MGAT4C: variants seen among roughly 807,000 people sequenced by gnomAD.
MGAT4C encodes alpha-1,3-mannosyl-glycoprotein 4-beta-N-acetylglucosaminyltransferase C.
A neutral mutation model predicts 40.1 loss-of-function variants in MGAT4C; 19 were observed. That is an observed-to-expected ratio of 0.47 (90% confidence interval 0.33 to 0.70). The LOEUF is 0.70. Among genes scored for constraint, MGAT4C ranks in the 30% least tolerant of loss-of-function variants. The pLI is 0.02. For missense variants in MGAT4C, 491 were observed against 563.2 expected, an observed-to-expected ratio of 0.87 and a Z score of 1.30; for synonymous variants, 181 against 187.1, an observed-to-expected ratio of 0.97 and a Z score of 0.27.
At chr12:86,745,286 A>G (rs926014953) in intron 1 of MGAT4C, 2 of 151,702 alleles carry the variant, frequency 1.3e-5, no homozygotes, top group African/African-American at 4.8e-5. Flanking sequence ...ATATATATTT[A>G]GATTCAAAAT....
In MGAT4C at chr12:86,174,102, C is replaced by T. The variant is rs113207858; in HGVS notation, c.-57+82137G>A. 1.4e-3 allele frequency among the ~76,000 whole-genome samples: 195 copies of T among 135,164 alleles called. 1 individual carries two copies. Among genetic ancestry groups the T allele is most frequent in the African/African-American group, 5.3e-3 (189 of 35,592 alleles). 88.7% of individuals were successfully genotyped at this position (135,164 alleles called of 152,430 possible). ...TGAAATTAAAAGTAGGTTATTCTTA[C>T]CAAAAAAGACACACACACACATACA... On this transcript the variant is annotated intron_variant, in intron 1 of 4. Coordinates refer to ENST00000611864, the MANE Select transcript of MGAT4C (RefSeq NM_001351288.2).
At chr12:86,477,096 A>G (rs1957848081) in intron 2 of MGAT4C, among the ~76,000 whole-genome samples, 1 of 151,802 alleles carries the variant, frequency 6.6e-6, no homozygotes, top group Non-Finnish European at 1.5e-5. Flanking sequence ...ATAAATATAT[A>G]TATATTTGTA....
Position 85,971,208 on chromosome 12 carries a change from G to T in MGAT4C, c.*8081C>A, listed in dbSNP as rs953874634. 1 of 151,000 alleles carries T rather than the reference G, an allele frequency of 6.6e-6. No individual in the cohort carries two copies. Among genetic ancestry groups the T allele is most frequent in the Non-Finnish European group, 1.5e-5 (1 of 67,312 alleles). The allele number at this position is 151,000 out of a possible 1,614,324, so 9.4% of individuals were successfully genotyped here. A position where few individuals can be genotyped will look rare whatever the true frequency, so the allele number is the denominator to read the frequency against. ...CAAATTTCACTTTCTTCTTATAAAA[G>T]AAAATAATTTTTATGGTAACTAATT... On this transcript the variant is annotated 3_prime_UTR_variant, in exon 5 of 5. Coordinates refer to ENST00000611864, the MANE Select transcript of MGAT4C (RefSeq NM_001351288.2).
At chr12:86,236,567 AAGTGC>A (rs1951556123) in intron 1 of MGAT4C, among the ~76,000 whole-genome samples, 1 of 152,022 alleles carries the variant, frequency 6.6e-6, no homozygotes, top group African/African-American at 2.4e-5. Context: ...ATACAAAACC[AAGTGC>A]CAAAAAGTTG....
intron 1 of MGAT4C, among the ~76,000 whole-genome samples, chr12:86,127,261 A>T (rs1298919322): frequency 6.6e-6 from 1 of 152,220 alleles, no homozygotes; most frequent in East Asian, 1.9e-4. Flanking sequence ...TAAATAGTGT[A>T]GACAGTTTTA....
chr12:86,177,766 C>T (rs1887627739), intron 1 of MGAT4C, among the ~76,000 whole-genome samples: 1 of 151,988 alleles, frequency 6.6e-6, no homozygotes, highest in Non-Finnish European at 1.5e-5. Flanking sequence ...TCCCTTTCTA[C>T]TAATCATTTC....
At chr12:86,000,820 A>G (rs1249195504) in intron 2 of MGAT4C, among the ~76,000 whole-genome samples, 1 of 152,140 alleles carries the variant, frequency 6.6e-6, no homozygotes, top group East Asian at 1.9e-4. Context: ...TAATTTTTCC[A>G]ATTTTGAAAG....
rs1275637736 is a variant in MGAT4C at position 85,967,890 on chromosome 12, C to A, written c.*11399G>T. 6.6e-6 allele frequency: 1 copy of A among 152,008 alleles called. No homozygotes were observed. The highest frequency in any genetic ancestry group is 1.5e-5 in the Non-Finnish European group (1 of 67,936). The allele number at this position is 152,008 out of a possible 1,614,324, so 9.4% of individuals were successfully genotyped here. A position where few individuals can be genotyped will look rare whatever the true frequency, so the allele number is the denominator to read the frequency against. ...TGTTTTTCTTGACTCAAATAGCTAT[C>A]TCAAGTTTCGTACACTTTTTAGATC... is the stretch of plus-strand genomic sequence containing the variant. On this transcript the variant is annotated 3_prime_UTR_variant, in exon 5 of 5. Coordinates refer to ENST00000611864, the MANE Select transcript of MGAT4C (RefSeq NM_001351288.2).
chr12:86,497,927 C>T (rs1157392732), intron 2 of MGAT4C, among the ~76,000 whole-genome samples: 3 of 142,774 alleles, frequency 2.1e-5, no homozygotes, highest in East Asian at 2.0e-4. Context: ...CGCACACACA[C>T]ATATAATATT....
At chr12:86,458,011 A>G (rs1957538155) in intron 2 of MGAT4C, among the ~76,000 whole-genome samples, 1 of 152,218 alleles carries the variant, frequency 6.6e-6, no homozygotes, top group African/African-American at 2.4e-5. Flanking sequence ...TCATAAATTA[A>G]AACTTTTTTG....
chr12:86,273,533 T>C (rs181030290), intron 4 of MGAT4C, among the ~76,000 whole-genome samples: 2 of 152,182 alleles, frequency 1.3e-5, no homozygotes, highest in Admixed American at 6.5e-5. Flanking sequence ...TAAATCTGCA[T>C]GCAACATACA....
intron 1 of MGAT4C, among the ~76,000 whole-genome samples, chr12:86,206,580 A>G (rs1337338758): frequency 6.6e-6 from 1 of 151,674 alleles, no homozygotes; most frequent in Admixed American, 6.6e-5. Context: ...TGTCACTCTT[A>G]TTTCTTTCAA....
intron 2 of MGAT4C, among the ~76,000 whole-genome samples, chr12:86,623,978 G>A (rs973434418): frequency 5.3e-5 from 8 of 152,080 alleles, no homozygotes; most frequent in African/African-American, 1.7e-4. Context: ...TAAAATTCTT[G>A]TCACCAGAGA....
intron 1 of MGAT4C, among the ~76,000 whole-genome samples, chr12:86,740,925 T>C (rs2136129996): frequency 6.6e-6 from 1 of 151,150 alleles, no homozygotes; most frequent in Non-Finnish European, 1.5e-5. Flanking sequence ...GATATTGAGG[T>C]TTGGAATACA....
chr12:86,440,211 T>C (rs1391190387), intron 2 of MGAT4C, among the ~76,000 whole-genome samples: 2 of 152,018 alleles, frequency 1.3e-5, no homozygotes, highest in East Asian at 1.9e-4. Flanking sequence ...CTGATGAACA[T>C]AGATGCAAAA....
chr12:86,080,304 G>A (rs1273104678), intron 1 of MGAT4C, among the ~76,000 whole-genome samples: 1 of 151,816 alleles, frequency 6.6e-6, no homozygotes, highest in Non-Finnish European at 1.5e-5. Flanking sequence ...CACTATTCTG[G>A]GTAATTTATT....
Position 85,956,179 on chromosome 12 carries a change from G to T in MGAT4C, c.*23110C>A, listed in dbSNP as rs1175169187. The T allele has an allele frequency of 6.6e-6, 1 of 152,216 alleles. No individual in the cohort carries two copies. The highest frequency in any genetic ancestry group is 1.5e-5 in the Non-Finnish European group (1 of 68,024). The allele number at this position is 152,216 out of a possible 1,614,324, so 9.4% of individuals were successfully genotyped here. On this transcript the variant is annotated 3_prime_UTR_variant, in exon 5 of 5. Coordinates refer to ENST00000611864, the MANE Select transcript of MGAT4C (RefSeq NM_001351288.2). ...ATTTGGACATAACCTTCAACATTGT[G>T]TGGAACACAGTGAGAAGTATAATGA...
At chr12:86,665,348 A>G (rs1964077028) in intron 2 of MGAT4C, among the ~76,000 whole-genome samples, 1 of 151,990 alleles carries the variant, frequency 6.6e-6, no homozygotes, top group South Asian at 2.1e-4. Context: ...CATTATAGAC[A>G]CATGATTGTG....
chr12:86,720,788 A>T (rs562280291), intron 2 of MGAT4C, among the ~76,000 whole-genome samples: 1 of 152,320 alleles, frequency 6.6e-6, no homozygotes, highest in Admixed American at 6.5e-5. Context: ...TGAAATTTGG[A>T]TTTAGTCATT....
Sources: gnomAD v4.1 joint callset for allele counts (sites outside exome capture counted in the v4.1 genomes callset) on GRCh38, gnomAD v4.1.1 for gene constraint, MANE v1.5 for transcripts, NCBI Gene and HGNC (gene_info 2026-07-23, HGNC 2026-07-21) for gene names.